ARHGAP9: variants seen among roughly 807,000 people sequenced by gnomAD.
ARHGAP9 encodes the protein Rho GTPase activating protein 9.
ARHGAP9 carries 76 observed loss-of-function variants against 87.3 expected under a neutral mutation model. That is an observed-to-expected ratio of 0.87 (90% CI 0.72 to 1.05). The LOEUF (loss-of-function observed/expected upper bound fraction) is 1.05, where lower values mean the gene tolerates loss of function less well. Ranked by LOEUF, ARHGAP9 falls within the 50% of genes least tolerant of loss-of-function variation. ARHGAP9 has a pLI of 0.00. For missense variants in ARHGAP9, 941 were observed against 960.5 expected, an observed-to-expected ratio of 0.98 and a Z score of 0.27; for synonymous variants, 382 against 394.9, an observed-to-expected ratio of 0.97 and a Z score of 0.39.
At chr12:57,478,381 T>C (rs1788887591) in intron 3 of ARHGAP9, 159 bp downstream of exon 3, 1 of 733,880 alleles carries the variant, frequency 1.4e-6, no homozygotes, top group East Asian at 2.7e-5. Flanking sequence ...TCAGCCACTC[T>C]CCACCACATT....
Position 57,479,292 on chromosome 12 carries a change from C to G in ARHGAP9, c.115G>C (p.Asp39His), listed in dbSNP as rs1355863774. 6.2e-7 allele frequency: 1 copy of G among 1,614,264 alleles called. No individual in the cohort carries two copies. The highest frequency in any genetic ancestry group is 1.7e-5 in the Admixed American group (1 of 60,034). The change falls in exon 2 of 18, where the codon GAT becomes CAT. Residue 39 changes from aspartate to histidine, a missense_variant. Transcript: ENST00000393791. ...ALYAFTYTGA[D>H]GQQVSLAEGD... Reference sequence around the variant, plus strand: ...TCAGCCAGAGACACCTGCTGGCCATCTGCCCCAGTATAAGTAAAGGCATAG... The same window carrying G: ...TCAGCCAGAGACACCTGCTGGCCATGTGCCCCAGTATAAGTAAAGGCATAG...
At position 57,476,422 on chromosome 12, in the gene ARHGAP9, G is replaced by C; in HGVS notation, c.1058C>G (p.Thr353Arg). The C allele has an allele frequency of 6.2e-7, 1 of 1,614,098 alleles. No individual in the cohort carries two copies. Among genetic ancestry groups the C allele is most frequent in the Non-Finnish European group, 8.5e-7 (1 of 1,180,018 alleles). ...TCGGTAGAACACCAGGCTGTTACCCGTTAACACCACCCAAGACGGGCCCCA... is the reference window on the plus strand; with the variant it reads ...TCGGTAGAACACCAGGCTGTTACCCCTTAACACCACCCAAGACGGGCCCCA... Reference protein sequence around the residue: ...KNWGPSWVVLTGNSLVFYREP... With the variant: ...KNWGPSWVVLRGNSLVFYREP... Residue 353 changes from threonine to arginine, a missense_variant, in exon 8 of 18, where the codon ACG (threonine) becomes AGG (arginine). Coordinates refer to ENST00000393791, the MANE Select transcript of ARHGAP9 (RefSeq NM_032496.4).
rs527429598 is a variant in ARHGAP9, at chr12:57,476,968, G to T, written c.871-5C>A. The T allele has an allele frequency of 9.3e-6, 15 of 1,613,472 alleles. No homozygotes were observed. The African/African-American group carries it at 1.5e-4, about 16-fold the overall frequency. On this transcript the variant is annotated splice_region_variant and splice_polypyrimidine_tract_variant and intron_variant, in intron 5 of 17. Transcript: ENST00000393791. The stretch of plus-strand genomic sequence containing the variant: ...TTGGCTGAGGCTGAGTGAACCCTAG[G>T]GGAGAGGATTGGAGAAACAGGTGGG...
At chr12:57,479,622 A>T in intron 1 of ARHGAP9, 108 bp downstream of exon 1, 1 of 1,545,152 alleles carries the variant, frequency 6.5e-7, no homozygotes, top group Non-Finnish European at 8.7e-7. Context: ...GTGTCTGGTG[A>T]GGAAGTATGT....
upstream of ARHGAP9, chr12:57,484,050 A>AT (rs1277135423): frequency 7.4e-6 from 2 of 271,398 alleles, no homozygotes; most frequent in Admixed American, 4.7e-5. Context: ...CAAAAAAAAA[A>AT]AAAAAAAAAA....
At chr12:57,478,823 A>G in intron 2 of ARHGAP9, 66 bp from the exon 3 acceptor site, 8 of 1,444,938 alleles carry the variant, frequency 5.5e-6, no homozygotes, top group Non-Finnish European at 7.5e-6. Context: ...TGGGTCCCTC[A>G]TCTTGGGAAC....
At chr12:57,478,789 G>A in intron 2 of ARHGAP9, 32 bp from the exon 3 acceptor site, 2 of 1,566,338 alleles carry the variant, frequency 1.3e-6, no homozygotes. Context: ...GTGGGTGGCA[G>A]GTGATCAGAG....
Position 57,478,755 on chromosome 12 carries a change from G to A in ARHGAP9, c.319C>T (p.Pro107Ser). ...TCCAGGGAACCATGAAACAACTTCG[G>A]CCCTGGAAACAGAAAAGGGGAGGGT... ...IPGQLLWTPG[P>S]KLFHGSLEEL... Residue 107 changes from proline (P) to serine (S), a missense_variant and splice_region_variant, in exon 3 of 18, where the codon CCG becomes TCG. Transcript: ENST00000393791. The A allele has an allele frequency of 6.2e-7, 1 of 1,605,396 alleles. No individual in the cohort carries two copies.
chr12:57,475,733 G>T, intron 10 of ARHGAP9, 100 bp downstream of exon 10: 1 of 1,483,870 alleles, frequency 6.7e-7, no homozygotes, highest in South Asian at 1.2e-5. Flanking sequence ...TCTCCACTGA[G>T]CCCACCCTGC....
chr12:57,479,465 G>A lies in ARHGAP9; in HGVS notation c.-18-41C>T, dbSNP rs1035782109. On this transcript the variant is annotated intron_variant, in intron 1 of 17. Coordinates refer to ENST00000393791, the MANE Select transcript of ARHGAP9 (RefSeq NM_032496.4). ...ACACTGGAGACCCAGAAGGGAATAGGCCTGGCTGTCTCCAGGTAGACAGAC... is the reference window on the plus strand; with the variant it reads ...ACACTGGAGACCCAGAAGGGAATAGACCTGGCTGTCTCCAGGTAGACAGAC... 7.6e-6 allele frequency: 12 copies of A among 1,572,968 alleles called. No individual in the cohort carries two copies. The African/African-American group carries it at 1.6e-4, about 21-fold the overall frequency.
chr12:57,486,028 T>C lies in ARHGAP9; in HGVS notation c.-203-2065A>G, dbSNP rs190843521. 2.6e-4 allele frequency among the ~76,000 whole-genome samples: 39 copies of C among 152,242 alleles called. No homozygotes were observed. The East Asian group carries it at 7.1e-3, about 28-fold the overall frequency. On this transcript the variant is annotated intron_variant, in intron 1 of 20. Transcript: ENST00000393797. ...AGCTCAAAGCTACCAGTGTGCTAGATAGCCTGCAACTGAAGCTGCAAAACT... is the reference window on the plus strand; with the variant it reads ...AGCTCAAAGCTACCAGTGTGCTAGACAGCCTGCAACTGAAGCTGCAAAACT...
At position 57,476,409 on chromosome 12, in the gene ARHGAP9, C is replaced by T; in HGVS notation, c.1071G>A (p.Leu357=). 6.2e-7 allele frequency: 1 copy of T among 1,614,128 alleles called. No homozygotes were observed. The highest frequency in any genetic ancestry group is 8.5e-7 in the Non-Finnish European group (1 of 1,180,018). ...TCGGCGGTGGCTCTCGGTAGAACACCAGGCTGTTACCCGTTAACACCACCC... is the reference window on the plus strand; with the variant it reads ...TCGGCGGTGGCTCTCGGTAGAACACTAGGCTGTTACCCGTTAACACCACCC... ...PSWVVLTGNS[L]VFYREPPPTA... Residue 357 remains leucine (L), a synonymous_variant, in exon 8 of 18, where the codon CTG becomes CTA. Transcript: ENST00000393791.
intron 6 of ARHGAP9, 42 bp downstream of exon 6, chr12:57,476,829 G>GC: frequency 5.7e-6 from 7 of 1,227,630 alleles, no homozygotes; most frequent in Non-Finnish European, 8.2e-6. Context: ...GGGAGGGGGG[G>GC]CAGGGAGGAT....
intron 15 of ARHGAP9, 72 bp from the exon 16 acceptor site, chr12:57,474,248 T>C: frequency 2.5e-6 from 4 of 1,587,402 alleles, no homozygotes; most frequent in Non-Finnish European, 2.6e-6. Flanking sequence ...TTAGAAGTTC[T>C]GGAGAAATCC....
At chr12:57,475,107 C>T in intron 12 of ARHGAP9, 134 bp from the exon 13 acceptor site, 1 of 1,116,392 alleles carries the variant, frequency 9.0e-7, no homozygotes, top group Non-Finnish European at 1.3e-6. Context: ...GAAATACACT[C>T]CACCTCCCTT....
chr12:57,479,264 C>T lies in ARHGAP9; in HGVS notation c.143G>A (p.Gly48Glu), dbSNP rs1237719634. 5 of 1,614,066 alleles carry T rather than the reference C, an allele frequency of 3.1e-6. No individual in the cohort carries two copies. In the Admixed American group the frequency reaches 8.3e-5, roughly 27 times the overall value. Residue 48 changes from glycine (G) to glutamate (E), a missense_variant, in exon 2 of 18, where the codon GGG (glycine) becomes GAG (glutamate). Gly to Glu is a moderately conservative substitution (Grantham distance 98). Transcript: ENST00000393791. ...ADGQQVSLAE[G>E]DRFLLLRKTN... ...CTTTCGAAGCAGTAGGAACCTATCC[C>T]CTTCAGCCAGAGACACCTGCTGGCC...
intron 10 of ARHGAP9, 42 bp downstream of exon 10, chr12:57,475,791 C>T (rs1010291524): frequency 9.3e-6 from 15 of 1,604,756 alleles, no homozygotes; most frequent in Non-Finnish European, 1.3e-5. Flanking sequence ...TCCCTTGGTC[C>T]CGGCCGGTCG....
At position 57,487,926 on chromosome 12, in the gene ARHGAP9, C is replaced by T. The variant is rs747044450; in HGVS notation, c.-204+686G>A. The T allele has an allele frequency of 1.4e-5, 9 of 626,192 alleles. No individual in the cohort carries two copies. The South Asian group carries it at 1.5e-4, about 10-fold the overall frequency. 38.8% of individuals were successfully genotyped at this position (626,192 alleles called of 1,614,324 possible). A position where few individuals can be genotyped will look rare whatever the true frequency, so the allele number is the denominator to read the frequency against. On this transcript the variant is annotated intron_variant, in intron 1 of 20. Coordinates refer to the ARHGAP9 transcript ENST00000393797. ...TCTTCATCTCGATGATAGTCTTTTC[C>T]TGTGTCTTAGCGTTGCATGATGGGA...
chr12:57,472,809 AC>A, intron 17 of ARHGAP9, 121 bp from the exon 18 acceptor site: 1 of 1,049,272 alleles, frequency 9.5e-7, no homozygotes, highest in Non-Finnish European at 1.4e-6. Flanking sequence ...CCACATGGTA[AC>A]AAAAAAACCA....
Sources: allele counts gnomAD v4.1 joint callset (sites outside exome capture counted in the v4.1 genomes callset), GRCh38; gene constraint gnomAD v4.1.1; transcripts MANE v1.5; gene names NCBI Gene and HGNC (gene_info 2026-07-23, HGNC 2026-07-21).